LRP1B: variants seen among roughly 807,000 people sequenced by gnomAD.
The protein encoded by LRP1B is low-density lipoprotein receptor-related protein 1B.
LRP1B carries 217 observed loss-of-function variants against 556.6 expected under a neutral mutation model. That is an observed-to-expected ratio of 0.39 (90% CI 0.35 to 0.44). The LOEUF (loss-of-function observed/expected upper bound fraction) is 0.44. Among genes scored for constraint, LRP1B ranks in the 20% least tolerant of loss-of-function variants. The pLI is 1.00. For missense variants in LRP1B, 5,053 were observed against 5,620.8 expected (o/e 0.90, Z 3.23); for synonymous variants, 2,047 against 1,865.8 (o/e 1.10, Z -2.50).
chr2:141,116,670 C>T (rs1420229638), intron 7 of LRP1B, among the ~76,000 whole-genome samples: 4 of 151,926 alleles, frequency 2.6e-5, no homozygotes, highest in Admixed American at 6.6e-5. Context: ...AAAAAATTGA[C>T]GTCTGAAGTA....
chr2:141,835,995 G>T (rs1483326070), intron 1 of LRP1B, among the ~76,000 whole-genome samples: 1 of 151,884 alleles, frequency 6.6e-6, no homozygotes, highest in Non-Finnish European at 1.5e-5. Flanking sequence ...TTACAAAACA[G>T]AAATAGAAGG....
chr2:141,506,714 CT>C (rs1172286415), intron 2 of LRP1B, among the ~76,000 whole-genome samples: 2 of 151,844 alleles, frequency 1.3e-5, no homozygotes, highest in African/African-American at 4.8e-5. Context: ...ACAAATTGCA[CT>C]TTTGGACGGC....
At chr2:140,715,524 A>T (rs1164072428) in intron 37 of LRP1B, among the ~76,000 whole-genome samples, 1 of 152,142 alleles carries the variant, frequency 6.6e-6, no homozygotes, top group East Asian at 1.9e-4. Context: ...CTCAAAACAA[A>T]ACAAAAAAAG....
chr2:141,504,215 G>C (rs1683833355), intron 2 of LRP1B, among the ~76,000 whole-genome samples: 1 of 152,122 alleles, frequency 6.6e-6, no homozygotes, highest in African/African-American at 2.4e-5. Context: ...TATTTATAGT[G>C]CTGTGGCACT....
chr2:141,111,634 AAT>A (rs1269396841), intron 7 of LRP1B, among the ~76,000 whole-genome samples: 1 of 152,092 alleles, frequency 6.6e-6, no homozygotes, highest in African/African-American at 2.4e-5. Flanking sequence ...ACCTTATACA[AAT>A]ATAAAATCCA....
chr2:141,153,609 AATATATT>A (rs2105091263), intron 7 of LRP1B, among the ~76,000 whole-genome samples: 1 of 137,490 alleles, frequency 7.3e-6, no homozygotes, highest in Admixed American at 8.2e-5. Flanking sequence ...ATTTATATAT[AATATATT>A]ATATATCAGC....
chr2:141,167,629 G>A (rs1046243960), intron 7 of LRP1B, among the ~76,000 whole-genome samples: 1 of 151,690 alleles, frequency 6.6e-6, no homozygotes, highest in Non-Finnish European at 1.5e-5. Context: ...TGATTTACAG[G>A]TGATTATAAT....
intron 43 of LRP1B, among the ~76,000 whole-genome samples, chr2:140,551,521 A>T (rs1370942459): frequency 6.6e-6 from 1 of 152,126 alleles, no homozygotes. Context: ...AATATATAAC[A>T]CATTCCTTTC....
At chr2:141,612,354 C>T (rs544390360) in intron 2 of LRP1B, among the ~76,000 whole-genome samples, 5 of 152,226 alleles carry the variant, frequency 3.3e-5, no homozygotes, top group South Asian at 2.1e-4. Context: ...TTATTTCTGC[C>T]TTTAGAGTAG....
intron 25 of LRP1B, 131 bp downstream of exon 25, chr2:140,883,686 G>T: frequency 5.4e-6 from 1 of 185,496 alleles, no homozygotes; most frequent in South Asian, 3.4e-5. Context: ...CCCCGCCCCC[G>T]CCACACACAC....
At chr2:141,823,188 A>G (rs1696810564) in intron 1 of LRP1B, among the ~76,000 whole-genome samples, 1 of 152,108 alleles carries the variant, frequency 6.6e-6, no homozygotes. Flanking sequence ...TGAGATAAAG[A>G]GTTATCTAGG....
chr2:141,954,930 A>G (rs1701206542), intron 1 of LRP1B, among the ~76,000 whole-genome samples: 1 of 152,140 alleles, frequency 6.6e-6, no homozygotes, highest in African/African-American at 2.4e-5. Context: ...TGTCAGACAT[A>G]GAAACAGCTA....
intron 23 of LRP1B, among the ~76,000 whole-genome samples, chr2:140,895,619 C>T (rs1693932422): frequency 6.6e-6 from 1 of 152,156 alleles, no homozygotes; most frequent in East Asian, 1.9e-4. Flanking sequence ...CTCAGTGTGA[C>T]AACCCCCTGT....
At chr2:141,173,226 T>A (rs1680585812) in intron 7 of LRP1B, among the ~76,000 whole-genome samples, 1 of 151,994 alleles carries the variant, frequency 6.6e-6, no homozygotes, top group Non-Finnish European at 1.5e-5. Context: ...ATAAAAAACC[T>A]CAAAATATCC....
chr2:140,856,685 C>T (rs1573808828), intron 27 of LRP1B, among the ~76,000 whole-genome samples: 1 of 151,772 alleles, frequency 6.6e-6, no homozygotes, highest in Non-Finnish European at 1.5e-5. Flanking sequence ...GAGGGTTGTA[C>T]TTTGTCACTC....
chr2:140,987,514 C>A (rs1301306076), intron 17 of LRP1B, among the ~76,000 whole-genome samples: 1 of 152,098 alleles, frequency 6.6e-6, no homozygotes, highest in African/African-American at 2.4e-5. Flanking sequence ...TAGCCAATCA[C>A]AAATGCTTCT....
At chr2:141,732,393 GT>G (rs1693307834) in intron 2 of LRP1B, among the ~76,000 whole-genome samples, 4 of 151,892 alleles carry the variant, frequency 2.6e-5, no homozygotes, top group Admixed American at 2.6e-4. Flanking sequence ...CATGCTTCTA[GT>G]TCATTTAACA....
At chr2:141,523,774 A>G (rs951797921) in intron 2 of LRP1B, among the ~76,000 whole-genome samples, 8 of 152,162 alleles carry the variant, frequency 5.3e-5, no homozygotes, top group African/African-American at 1.9e-4. Context: ...TGTTAGTGTC[A>G]GGCAAAAATG....
chr2:140,829,183 T>C (rs1279268962), intron 31 of LRP1B, among the ~76,000 whole-genome samples: 1 of 152,062 alleles, frequency 6.6e-6, no homozygotes, highest in Non-Finnish European at 1.5e-5. Context: ...ACAATAATAA[T>C]GGAGGAATTT....
Sources: gnomAD v4.1 joint callset for allele counts (sites outside exome capture counted in the v4.1 genomes callset) on GRCh38, gnomAD v4.1.1 for gene constraint, MANE v1.5 for transcripts, NCBI Gene and HGNC (gene_info 2026-07-23, HGNC 2026-07-21) for gene names.